The following SPOCK1 variants were observed in gnomAD, a reference collection of about 807,000 sequenced individuals.
SPOCK1 encodes the protein SPARC (osteonectin), cwcv and kazal like domains proteoglycan 1, also known as testican-1.
A neutral mutation model predicts 55.3 loss-of-function variants in SPOCK1; 23 were observed. The ratio of observed to expected loss-of-function variants is 0.42; its 90% CI spans 0.30 to 0.59. SPOCK1 has a LOEUF of 0.59. Among genes scored for constraint, SPOCK1 ranks in the 20% least tolerant of loss-of-function variants. SPOCK1 has a pLI of 0.22. For missense variants in SPOCK1, 499 were observed against 552.5 expected (o/e 0.90, Z 0.97); for synonymous variants, 226 against 221.0 (o/e 1.02, Z -0.20).
At chr5:137,494,741 G>A (rs1333613949) in intron 2 of SPOCK1, among the ~76,000 whole-genome samples, 3 of 152,192 alleles carry the variant, frequency 2.0e-5, no homozygotes, top group Non-Finnish European at 4.4e-5. Flanking sequence ...GAGATTACAT[G>A]TATTTATCTT....
At chr5:137,406,613 T>C (rs1752104812) in intron 2 of SPOCK1, among the ~76,000 whole-genome samples, 1 of 152,222 alleles carries the variant, frequency 6.6e-6, no homozygotes, top group African/African-American at 2.4e-5. Flanking sequence ...GAATACTGAC[T>C]ACATGCCAGG....
intron 6 of SPOCK1, among the ~76,000 whole-genome samples, chr5:137,006,594 G>A (rs1013849483): frequency 2.6e-5 from 4 of 152,084 alleles, no homozygotes; most frequent in African/African-American, 9.7e-5. Context: ...AAGGAGTTTT[G>A]GGGCTGAGAT....
intron 6 of SPOCK1, among the ~76,000 whole-genome samples, chr5:137,031,581 G>A (rs1009214440): frequency 2.6e-5 from 4 of 152,094 alleles, no homozygotes; most frequent in South Asian, 2.1e-4. Context: ...TAAATTATAC[G>A]TGGCATAACT....
At chr5:137,013,182 A>G (rs1751385963) in intron 6 of SPOCK1, among the ~76,000 whole-genome samples, 1 of 152,166 alleles carries the variant, frequency 6.6e-6, no homozygotes, top group African/African-American at 2.4e-5. Context: ...ATTTTCTACA[A>G]TTAACATTGT....
At chr5:137,126,355 C>A (rs1156923147) in intron 4 of SPOCK1, among the ~76,000 whole-genome samples, 4 of 148,174 alleles carry the variant, frequency 2.7e-5, no homozygotes, top group Non-Finnish European at 1.5e-5. Flanking sequence ...AAATATATAT[C>A]TTTTCTTTAT....
rs1439406819 is a variant in SPOCK1, at chr5:137,171,718, G to A, written c.233-31024C>T. Among the ~76,000 whole-genome samples the A allele has an allele frequency of 2.6e-5, 4 of 152,272 alleles. No individual in the cohort carries two copies. In the East Asian group the frequency reaches 5.8e-4, roughly 22 times the overall value. On this transcript the variant is annotated intron_variant, in intron 3 of 10. Coordinates refer to ENST00000394945, the MANE Select transcript of SPOCK1 (RefSeq NM_004598.4). ...CGCTGGCACACGGTATGCATTCAAT[G>A]ACCGTTTTTTGACCTGCAGAACTCG...
At chr5:137,201,413 G>T (rs1169362045) in intron 3 of SPOCK1, among the ~76,000 whole-genome samples, 2 of 152,172 alleles carry the variant, frequency 1.3e-5, no homozygotes, top group African/African-American at 4.8e-5. Context: ...TAATTCTAGT[G>T]GGGGAGAAGG....
At position 137,112,479 on chromosome 5, in the gene SPOCK1, A is replaced by C. The variant is rs1753494173; in HGVS notation, c.430T>G (p.Ser144Ala). ...VKCKPCPVAQSAMVCGSDGHS... is the reference protein window; with the variant it reads ...VKCKPCPVAQAAMVCGSDGHS... ...CCATCTGAGCCGCAGACCATGGCTG[A>C]CTGTGCCACGGGACAGGGCTTGCAC... Residue 144 changes from serine (S) to alanine (A), a missense_variant, in exon 5 of 11, where the codon TCA becomes GCA. By Grantham distance (99) the Ser-to-Ala change is moderately conservative. Coordinates refer to ENST00000394945, the MANE Select transcript of SPOCK1 (RefSeq NM_004598.4). 6.2e-7 allele frequency: 1 copy of C among 1,613,832 alleles called. No individual in the cohort carries two copies.
At chr5:137,370,386 AT>A (rs1751173237) in intron 2 of SPOCK1, among the ~76,000 whole-genome samples, 1 of 152,362 alleles carries the variant, frequency 6.6e-6, no homozygotes, top group South Asian at 2.1e-4. Flanking sequence ...ATGAACATCA[AT>A]GAGAATAAAT....
At chr5:137,431,613 T>C (rs1752747575) in intron 2 of SPOCK1, among the ~76,000 whole-genome samples, 1 of 152,204 alleles carries the variant, frequency 6.6e-6, no homozygotes, top group Non-Finnish European at 1.5e-5. Context: ...TTGGTGCCAT[T>C]CTGGAGGTAG....
rs542335268 is a variant in SPOCK1, at chr5:137,173,664, T to C, written c.233-32970A>G. On this transcript the variant is annotated intron_variant, in intron 3 of 10. Coordinates refer to ENST00000394945, the MANE Select transcript of SPOCK1 (RefSeq NM_004598.4). ...TTCTTGAATTTATTTTGTAGTTCAGTATTGTTTTTAGTTTGAATGGCATAT... is the reference window on the plus strand; with the variant it reads ...TTCTTGAATTTATTTTGTAGTTCAGCATTGTTTTTAGTTTGAATGGCATAT... Among the ~76,000 whole-genome samples the C allele has an allele frequency of 7.9e-5, 12 of 152,322 alleles. No individual in the cohort carries two copies. In the South Asian group the frequency reaches 1.9e-3, roughly 24 times the overall value.
At chr5:137,412,330 C>T (rs887775093) in intron 2 of SPOCK1, among the ~76,000 whole-genome samples, 1 of 152,208 alleles carries the variant, frequency 6.6e-6, no homozygotes, top group Non-Finnish European at 1.5e-5. Flanking sequence ...GAACATCTGG[C>T]AAGCCTATGG....
At chr5:137,249,111 G>A (rs981354938) in intron 3 of SPOCK1, among the ~76,000 whole-genome samples, 3 of 152,190 alleles carry the variant, frequency 2.0e-5, no homozygotes, top group East Asian at 3.8e-4. Flanking sequence ...GAGGCAGGAA[G>A]GAGTCAATTT....
chr5:136,978,726 G>A lies in SPOCK1; in HGVS notation c.1248C>T (p.His416=). 3 of 1,614,042 alleles carry A rather than the reference G, an allele frequency of 1.9e-6. No individual in the cohort carries two copies. Among genetic ancestry groups the A allele is most frequent in the Non-Finnish European group, 2.5e-6 (3 of 1,180,008 alleles). ...CATCATCCTCTGTCACGGCTCGGGT[G>A]TGCACCCTCAGCTTCCCCTCTTTGT... is the stretch of plus-strand genomic sequence containing the variant. ...PKDKEGKLRV[H]TRAVTEDDED... is the part of the protein sequence containing the mutation. The change falls in exon 11 of 11, where the codon CAC becomes CAT. Residue 416 remains histidine (H), a synonymous_variant. Transcript: ENST00000394945.
intron 3 of SPOCK1, among the ~76,000 whole-genome samples, chr5:137,197,130 G>A (rs1019869639): frequency 2.0e-5 from 3 of 152,108 alleles, no homozygotes; most frequent in Non-Finnish European, 4.4e-5. Flanking sequence ...CTGATTCTGC[G>A]AAGACTCCAG....
At chr5:137,039,815 C>G (rs1303923600) in intron 6 of SPOCK1, among the ~76,000 whole-genome samples, 1 of 152,210 alleles carries the variant, frequency 6.6e-6, no homozygotes, top group African/African-American at 2.4e-5. Flanking sequence ...TCTATGCACC[C>G]AGAGCAATGC....
rs1750653618 is a variant in SPOCK1, at chr5:136,978,191, A to G, written c.*463T>C. 1 of 359,678 alleles carries G rather than the reference A, an allele frequency of 2.8e-6. No homozygotes were observed. Among genetic ancestry groups the G allele is most frequent in the African/African-American group, 2.1e-5 (1 of 47,462 alleles). The allele number at this position is 359,678 out of a possible 1,614,324, so 22.3% of individuals were successfully genotyped here. On this transcript the variant is annotated 3_prime_UTR_variant, in exon 11 of 11. Transcript: ENST00000394945. The stretch of plus-strand genomic sequence containing the variant: ...AGGGGGAAAAAGTACAGTGTGGTGT[A>G]TTTTTTGTTTTTTTCTTTTTCACAA...
intron 3 of SPOCK1, among the ~76,000 whole-genome samples, chr5:137,257,155 A>G (rs918977389): frequency 6.6e-6 from 1 of 152,230 alleles, no homozygotes; most frequent in African/African-American, 2.4e-5. Context: ...CAAGGTGCCT[A>G]GCAGAATGAG....
chr5:137,474,268 G>T lies in SPOCK1; in HGVS notation c.186+24105C>A, dbSNP rs188346810. ...AAAAAAGAAAATTTGAACTTTGGTA[G>T]GTTTGTTGTATTATCAGTACGGTAA... On this transcript the variant is annotated intron_variant, in intron 2 of 10. Coordinates refer to ENST00000394945, the MANE Select transcript of SPOCK1 (RefSeq NM_004598.4). Among the ~76,000 whole-genome samples, 523 of 152,208 alleles carry T rather than the reference G, an allele frequency of 3.4e-3. 2 individuals carry two copies. The highest frequency in any genetic ancestry group is 6.5e-3 in the Non-Finnish European group (439 of 68,014).
Sources: allele counts gnomAD v4.1 joint callset (sites outside exome capture counted in the v4.1 genomes callset), GRCh38; gene constraint gnomAD v4.1.1; transcripts MANE v1.5; gene names NCBI Gene and HGNC (gene_info 2026-07-23, HGNC 2026-07-21).